Variants in SYAP1 observed in about 807,000 individuals in gnomAD.
The protein encoded by SYAP1 is synapse-associated protein 1.
A neutral mutation model predicts 29.6 loss-of-function variants in SYAP1; 3 were observed. The observed-to-expected ratio is 0.10, with a 90% CI of 0.05 to 0.26. The LOEUF (loss-of-function observed/expected upper bound fraction) is 0.26. SYAP1 is among the 10% of genes least tolerant of loss of function. The pLI is 1.00. For synonymous variants in SYAP1, 102 were observed against 102.7 expected, an observed-to-expected ratio of 0.99 and a Z score of 0.04; for missense variants, 217 against 264.1, an observed-to-expected ratio of 0.82 and a Z score of 1.24.
At chrX:16,720,364 G>A (rs1266397353) in intron 1 of SYAP1, among the ~76,000 whole-genome samples, 1 of 112,205 alleles carries the variant, frequency 8.9e-6, no homozygotes, top group Non-Finnish European at 1.9e-5. Context: ...TGTCTGCCCC[G>A]GTCAAATGCT....
intron 3 of SYAP1, among the ~76,000 whole-genome samples, chrX:16,736,836 G>T (rs1926340477): frequency 8.9e-6 from 1 of 112,060 alleles, no homozygotes; most frequent in African/African-American, 3.2e-5. Context: ...CACATGCCCA[G>T]CACAGAGCAC....
chrX:16,742,848 C>G (rs1025588764), intron 4 of SYAP1, among the ~76,000 whole-genome samples: 2 of 108,786 alleles, frequency 1.8e-5, no homozygotes, highest in Non-Finnish European at 3.8e-5. Context: ...CTCCTGGCCT[C>G]AAGCGATCCT....
chrX:16,736,472 A>G (rs1038045163), intron 3 of SYAP1: 6 of 309,676 alleles, frequency 1.9e-5, no homozygotes, highest in African/African-American at 1.6e-4. Flanking sequence ...TGGCTGTGAA[A>G]GGGGCAAGTA....
At chrX:16,750,336 G>C (rs375420399) in intron 5 of SYAP1, among the ~76,000 whole-genome samples, 3 of 111,659 alleles carry the variant, frequency 2.7e-5, no homozygotes, top group South Asian at 7.4e-4. Flanking sequence ...TATCCCTCTT[G>C]CCGAACTAAT....
chrX:16,739,608 C>A (rs1441657518), intron 3 of SYAP1, among the ~76,000 whole-genome samples: 15 of 109,304 alleles, frequency 1.4e-4, no homozygotes, highest in African/African-American at 4.3e-4. Context: ...TCCCGAGTAG[C>A]TGGGACCAAA....
At chrX:16,756,412 G>GT (rs1410785180) in intron 6 of SYAP1, among the ~76,000 whole-genome samples, 1 of 111,601 alleles carries the variant, frequency 9.0e-6, no homozygotes, top group Non-Finnish European at 1.9e-5. Context: ...GGGCAACATA[G>GT]TGACACCCCA....
chrX:16,723,880 G>A (rs1326104733), intron 1 of SYAP1, among the ~76,000 whole-genome samples: 1 of 110,404 alleles, frequency 9.1e-6, no homozygotes, highest in Non-Finnish European at 1.9e-5. Context: ...AGGCAGCGTG[G>A]GATTGGAGCA....
chrX:16,744,331 G>A (rs963833822), intron 5 of SYAP1, among the ~76,000 whole-genome samples: 1 of 112,277 alleles, frequency 8.9e-6, no homozygotes, highest in African/African-American at 3.2e-5. Flanking sequence ...CGGCCAACAG[G>A]GGCCACCTTC....
intron 1 of SYAP1, among the ~76,000 whole-genome samples, chrX:16,723,442 T>A: frequency 1.8e-5 from 2 of 111,645 alleles, no homozygotes; most frequent in South Asian, 7.5e-4. Context: ...AGATGTTCCT[T>A]ATGAGGATAG....
intron 1 of SYAP1, among the ~76,000 whole-genome samples, chrX:16,725,490 TAAA>T (rs1305267299): frequency 8.9e-6 from 1 of 111,936 alleles, no homozygotes; most frequent in African/African-American, 3.3e-5. Flanking sequence ...CTATAAAAAA[TAAA>T]AATCAAAATA....
At chrX:16,722,354 C>G (rs1241874394) in intron 1 of SYAP1, among the ~76,000 whole-genome samples, 1 of 110,583 alleles carries the variant, frequency 9.0e-6, no homozygotes, top group African/African-American at 3.3e-5. Flanking sequence ...GTGGTGAAAC[C>G]CTGTCCCTAC....
At chrX:16,745,322 C>T (rs1407860655) in intron 5 of SYAP1, among the ~76,000 whole-genome samples, 1 of 111,965 alleles carries the variant, frequency 8.9e-6, no homozygotes, top group East Asian at 2.8e-4. Flanking sequence ...TGTAGAGCAG[C>T]TTGGCTCCCC....
At chrX:16,722,590 C>G (rs1925990276) in intron 1 of SYAP1, among the ~76,000 whole-genome samples, 1 of 110,641 alleles carries the variant, frequency 9.0e-6, no homozygotes, top group Admixed American at 9.7e-5. Context: ...TGTTGAGTGC[C>G]TACCTTCAAG....
chrX:16,743,779 C>T lies in SYAP1; in HGVS notation c.514C>T (p.Leu172=), dbSNP rs779177500. The change falls in exon 5 of 9, where the codon CTG becomes TTG. Residue 172 remains leucine, a synonymous_variant. Coordinates refer to ENST00000380155, the MANE Select transcript of SYAP1 (RefSeq NM_032796.4). Reference sequence around the variant, plus strand: ...CTTTGATCAGATGTACCCCGTGGCCCTGGTCATGCTCCAGGAGGATGAGCT... The same window carrying T: ...CTTTGATCAGATGTACCCCGTGGCCTTGGTCATGCTCCAGGAGGATGAGCT... ...FDFDQMYPVA[L]VMLQEDELLS... is the part of the protein sequence containing the mutation. 5.0e-6 allele frequency: 6 copies of T among 1,211,041 alleles called. No homozygotes were observed. In the Admixed American group the frequency reaches 6.5e-5, roughly 13 times the overall value.
At position 16,762,973 on chromosome X, in the gene SYAP1, A is replaced by G. The variant is rs1280540717; in HGVS notation, c.*2614A>G. The G allele has an allele frequency of 9.0e-6, 1 of 111,289 alleles. No individual in the cohort carries two copies. Among genetic ancestry groups the G allele is most frequent in the Non-Finnish European group, 1.9e-5 (1 of 53,086 alleles). The allele number at this position is 111,289 out of a possible 1,213,427, so 9.2% of individuals were successfully genotyped here. ...AGGTGTCTCCTCTGAGGTTCCAGTT[A>G]TTTCTATACTACCAAAATTAAAAAG... On this transcript the variant is annotated 3_prime_UTR_variant, in exon 9 of 9. Transcript: ENST00000380155.
chrX:16,732,961 AG>A (rs1468288119), intron 1 of SYAP1, among the ~76,000 whole-genome samples: 12 of 112,134 alleles, frequency 1.1e-4, no homozygotes, highest in Admixed American at 3.8e-4. Context: ...ATCAGGCAAC[AG>A]TCTTCAAAAC....
chrX:16,743,881 T>C, intron 5 of SYAP1, 41 bp downstream of exon 5: 1 of 1,185,217 alleles, frequency 8.4e-7, no homozygotes, highest in Non-Finnish European at 1.1e-6. Flanking sequence ...TGGCCTCCAT[T>C]ATGTGCTCAG....
chrX:16,736,932 C>T (rs1602325316), intron 3 of SYAP1, among the ~76,000 whole-genome samples: 1 of 111,349 alleles, frequency 9.0e-6, no homozygotes, highest in Non-Finnish European at 1.9e-5. Flanking sequence ...CCGAGGGAGG[C>T]GAGTGACCGC....
intron 3 of SYAP1, among the ~76,000 whole-genome samples, chrX:16,741,398 G>A (rs1926456194): frequency 9.1e-6 from 1 of 110,246 alleles, no homozygotes; most frequent in South Asian, 3.8e-4. Context: ...GTTTTGTCAT[G>A]TGGCCCAAGC....
Sources: allele counts gnomAD v4.1 joint callset (sites outside exome capture counted in the v4.1 genomes callset), GRCh38; gene constraint gnomAD v4.1.1; transcripts MANE v1.5; gene names NCBI Gene and HGNC (gene_info 2026-07-23, HGNC 2026-07-21).